The following ZNF74 variants were observed in gnomAD, a reference collection of about 807,000 sequenced individuals.
ZNF74 encodes the protein zinc finger protein 74.
ZNF74 carries 12 observed loss-of-function variants against 17.7 expected under a neutral mutation model. The observed-to-expected ratio is 0.68, with a 90% CI of 0.43 to 1.10. The LOEUF is 1.10. ZNF74 is among the 50% of genes least tolerant of loss of function. The probability of loss-of-function intolerance (pLI) is 0.00; values close to 1 mark genes in which losing one functional copy is unlikely to be tolerated. For missense variants in ZNF74, 811 were observed against 881.0 expected (o/e 0.92, Z 1.01); for synonymous variants, 358 against 362.1 (o/e 0.99, Z 0.13).
At chr22:20,394,915 C>G (rs2052275148) in intron 1 of ZNF74, 3 of 532,156 alleles carry the variant, frequency 5.6e-6, no homozygotes, top group Non-Finnish European at 1.0e-5. Context: ...CGCGCGCCAC[C>G]ACGCCCGGCT....
Position 20,407,002 on chromosome 22 carries a change from G to A in ZNF74, c.*34G>A. On this transcript the variant is annotated 3_prime_UTR_variant, in exon 5 of 5. Coordinates refer to ENST00000400451, the MANE Select transcript of ZNF74 (RefSeq NM_003426.4). ...GCTTTGGTGTCAGTAGCTGCTTTCT[G>A]AGCTACTCAACAAGGAAAGCACCCT... 1 of 1,572,958 alleles carries A rather than the reference G, an allele frequency of 6.4e-7. No individual in the cohort carries two copies. Among genetic ancestry groups the A allele is most frequent in the Non-Finnish European group, 8.6e-7 (1 of 1,159,446 alleles).
Position 20,395,350 on chromosome 22 carries a change from C to G in ZNF74, c.52C>G (p.Pro18Ala). ...TTCGCCAGCTCTTTCCTCTCAGGAT[C>G]CTGCTCTTTCCCTGAAAGAGAATCT... ...PEKTALSSQD[P>A]ALSLKENLED... Residue 18 changes from proline (P) to alanine (A), a missense_variant, in exon 2 of 5, where the codon CCT (proline) becomes GCT (alanine). This residue lies in a region of ZNF74 where 666 missense variants were observed against 702.3 expected (regional missense o/e 0.95). Transcript: ENST00000400451. 1 of 1,602,844 alleles carries G rather than the reference C, an allele frequency of 6.2e-7. No homozygotes were observed. The highest frequency in any genetic ancestry group is 8.5e-7 in the Non-Finnish European group (1 of 1,171,310).
At position 20,406,510 on chromosome 22, in the gene ZNF74, A is replaced by G; in HGVS notation, c.1477A>G (p.Ile493Val). 1 of 1,614,054 alleles carries G rather than the reference A, an allele frequency of 6.2e-7. No individual in the cohort carries two copies. The highest frequency in any genetic ancestry group is 8.5e-7 in the Non-Finnish European group (1 of 1,180,004). ...SHAYLIVHRRIHTGEKPFDCS... is the reference protein window; with the variant it reads ...SHAYLIVHRRVHTGEKPFDCS... ...CGCCTACCTCATCGTGCACCGGCGC[A>G]TCCACACAGGCGAGAAGCCCTTCGA... is the stretch of plus-strand genomic sequence containing the variant. Residue 493 changes from isoleucine to valine, a missense_variant, in exon 5 of 5, where the codon ATC becomes GTC. Physicochemically the swap from Ile to Val is conservative, Grantham distance 29. Around this residue, in one of 3 missense-constraint regions of ZNF74, gnomAD observed 666 missense variants for 702.3 expected, o/e 0.95. Coordinates refer to ENST00000400451, the MANE Select transcript of ZNF74 (RefSeq NM_003426.4).
At chr22:20,394,747 G>T in intron 1 of ZNF74, 85 bp downstream of exon 1, 2 of 1,302,890 alleles carry the variant, frequency 1.5e-6, no homozygotes, top group Non-Finnish European at 2.2e-6. Context: ...CAGTTTCCCA[G>T]AAGCATCCAG....
rs770521184 is a variant in ZNF74 at position 20,405,812 on chromosome 22, G to A, written c.779G>A (p.Ser260Asn). ...GAGTGCGGGAAGGCGTTCCGCCAGA[G>A]CTCCTCCCTCACGCTGCACCGGCGC... Reference protein sequence around the residue: ...CGECGKAFRQSSSLTLHRRWH... With the variant: ...CGECGKAFRQNSSLTLHRRWH... The change falls in exon 5 of 5, where the codon AGC becomes AAC. Residue 260 changes from serine (S) to asparagine (N), a missense_variant. Ser to Asn is a conservative substitution (Grantham distance 46, BLOSUM62 1). Transcript: ENST00000400451. The A allele has an allele frequency of 1.1e-5, 17 of 1,612,446 alleles. No individual in the cohort carries two copies. Among genetic ancestry groups the A allele is most frequent in the South Asian group, 3.3e-5 (3 of 91,056 alleles).
Position 20,405,671 on chromosome 22 carries a change from C to G in ZNF74, c.638C>G (p.Ala213Gly), listed in dbSNP as rs1308731607. 2.5e-6 allele frequency: 4 copies of G among 1,610,692 alleles called. No individual in the cohort carries two copies. Among genetic ancestry groups the G allele is most frequent in the Admixed American group, 3.4e-5 (2 of 59,586 alleles). The change falls in exon 5 of 5, where the codon GCC becomes GGC. Residue 213 changes from alanine (A) to glycine (G), a missense_variant. Ala to Gly is a moderately conservative substitution (Grantham distance 60). Coordinates refer to ENST00000400451, the MANE Select transcript of ZNF74 (RefSeq NM_003426.4). ...CAGGCCACTGAGGGCAGAACCAAGG[C>G]CCCCGCGAGACTGTGTGCAGGGGAA... The part of the protein sequence containing the change: ...NVQATEGRTK[A>G]PARLCAGENA...
Position 20,407,100 on chromosome 22 carries a change from G to A in ZNF74, c.*132G>A. 1 of 1,390,840 alleles carries A rather than the reference G, an allele frequency of 7.2e-7. No homozygotes were observed. Among genetic ancestry groups the A allele is most frequent in the Non-Finnish European group, 9.5e-7 (1 of 1,058,018 alleles). The allele number at this position is 1,390,840 out of a possible 1,614,324, so 86.2% of individuals were successfully genotyped here. On this transcript the variant is annotated 3_prime_UTR_variant, in exon 5 of 5. Coordinates refer to ENST00000400451, the MANE Select transcript of ZNF74 (RefSeq NM_003426.4). ...AGCCTTGCCTTATCACCCCCATCAGGTCTGCATGCCAGGGTGCCTCCTCTA... is the reference window on the plus strand; with the variant it reads ...AGCCTTGCCTTATCACCCCCATCAGATCTGCATGCCAGGGTGCCTCCTCTA...
intron 2 of ZNF74, among the ~76,000 whole-genome samples, chr22:20,397,863 G>A (rs2052312840): frequency 6.6e-6 from 1 of 152,148 alleles, no homozygotes; most frequent in South Asian, 2.1e-4. Context: ...TTCTTCTGAG[G>A]CTTCTCCTTG....
Position 20,394,507 on chromosome 22 carries a change from C to CG in ZNF74, c.-122_-121insG. 1 of 1,063,920 alleles carries CG rather than the reference C, an allele frequency of 9.4e-7. No homozygotes were observed. Among genetic ancestry groups the CG allele is most frequent in the South Asian group, 1.4e-5 (1 of 71,098 alleles). 65.9% of individuals were successfully genotyped at this position (1,063,920 alleles called of 1,614,324 possible). On this transcript the variant is annotated 5_prime_UTR_variant, in exon 1 of 5. Transcript: ENST00000400451. ...TCGTGCAGCTGTGAGCGCGTGGCCG[C>CG]CCCGCGGGGCTCCGCTGCAGGCCCC...
At chr22:20,402,120 TAGAAAGCTCGAG>T (rs1302741527) in intron 4 of ZNF74, among the ~76,000 whole-genome samples, 2 of 152,214 alleles carry the variant, frequency 1.3e-5, no homozygotes, top group Non-Finnish European at 2.9e-5. Context: ...GTTAGGTGTC[TAGAAAGCTCGAG>T]AAACACCTTT....
intron 1 of ZNF74, 153 bp downstream of exon 1, chr22:20,394,815 CA>C: frequency 1.4e-6 from 1 of 715,552 alleles, no homozygotes; most frequent in South Asian, 1.9e-5. Flanking sequence ...GGGAGTGGTG[CA>C]ATGGCTTGAT....
intron 4 of ZNF74, among the ~76,000 whole-genome samples, chr22:20,404,421 A>C (rs372699288): frequency 1.3e-5 from 2 of 152,030 alleles, no homozygotes; most frequent in South Asian, 4.2e-4. Flanking sequence ...CAACCTCCCT[A>C]GGCTCAGGTG....
intron 2 of ZNF74, chr22:20,399,731 G>T: frequency 8.5e-6 from 2 of 235,252 alleles, no homozygotes; most frequent in South Asian, 4.1e-5. Context: ...GGGATTATAG[G>T]CGTGAGCCAC....
At chr22:20,400,215 A>T (rs980863080) in intron 2 of ZNF74, 3 of 184,448 alleles carry the variant, frequency 1.6e-5, no homozygotes, top group Admixed American at 1.1e-4. Context: ...CTTTTGCGTT[A>T]CTGAGCTTTG....
rs749899472 is a variant in ZNF74, at chr22:20,405,578, G to C, written c.545G>C (p.Arg182Thr). 6.2e-7 allele frequency: 1 copy of C among 1,612,162 alleles called. No individual in the cohort carries two copies. The highest frequency in any genetic ancestry group is 1.1e-5 in the South Asian group (1 of 90,900). Reference sequence around the variant, plus strand: ...GTCCCTGTAGAGGAATTCCCCCTCAGGTGTCCCCTCTTCGCCCAGCAACGC... The same window carrying C: ...GTCCCTGTAGAGGAATTCCCCCTCACGTGTCCCCTCTTCGCCCAGCAACGC... ...WDVPVEEFPL[R>T]CPLFAQQRVP... The change falls in exon 5 of 5, where the codon AGG becomes ACG. Residue 182 changes from arginine (R) to threonine (T), a missense_variant. Arg to Thr is a moderately conservative substitution (Grantham distance 71, BLOSUM62 -1). Around this residue, in one of 3 missense-constraint regions of ZNF74, gnomAD observed 666 missense variants for 702.3 expected, o/e 0.95. Coordinates refer to ENST00000400451, the MANE Select transcript of ZNF74 (RefSeq NM_003426.4).
In ZNF74 at chr22:20,394,330, C is replaced by A; in HGVS notation, c.-299C>A. ...CTTAGGCCTGGCCCTGGTCTCCGAG[C>A]GCGGGTTCGCCGGGAGGAGCGTGTG... On this transcript the variant is annotated 5_prime_UTR_variant, in exon 1 of 5. Transcript: ENST00000400451. The A allele has an allele frequency of 1.4e-6, 1 of 696,060 alleles. No homozygotes were observed. The highest frequency in any genetic ancestry group is 2.1e-5 in the Admixed American group (1 of 48,018). 43.1% of individuals were successfully genotyped at this position (696,060 alleles called of 1,614,324 possible).
Position 20,406,689 on chromosome 22 carries a change from G to T in ZNF74, c.1656G>T (p.Gly552=). 6.2e-7 allele frequency: 1 copy of T among 1,614,188 alleles called. No individual in the cohort carries two copies. The highest frequency in any genetic ancestry group is 8.5e-7 in the Non-Finnish European group (1 of 1,180,034). The change falls in exon 5 of 5, where the codon GGG becomes GGT. Residue 552 remains glycine (G), a synonymous_variant. Coordinates refer to ENST00000400451, the MANE Select transcript of ZNF74 (RefSeq NM_003426.4). The part of the protein sequence containing the change: ...CLIKHQKIHS[G]EKSFKCEKCG... ...TTAAACATCAGAAAATCCACTCCGGGGAGAAGTCGTTTAAGTGTGAGAAAT... is the reference window on the plus strand; with the variant it reads ...TTAAACATCAGAAAATCCACTCCGGTGAGAAGTCGTTTAAGTGTGAGAAAT...
intron 2 of ZNF74, among the ~76,000 whole-genome samples, chr22:20,397,377 G>T (rs903689217): frequency 6.6e-6 from 1 of 152,126 alleles, no homozygotes; most frequent in Non-Finnish European, 1.5e-5. Flanking sequence ...GTTTTGGGGG[G>T]TAAGGTTTTA....
chr22:20,403,082 T>A (rs1419704865), intron 4 of ZNF74, among the ~76,000 whole-genome samples: 1 of 152,202 alleles, frequency 6.6e-6, no homozygotes, highest in African/African-American at 2.4e-5. Context: ...TGATGTTTAC[T>A]GATTGCACAG....
Sources: allele counts gnomAD v4.1 joint callset (sites outside exome capture counted in the v4.1 genomes callset), GRCh38; gene constraint gnomAD v4.1.1; regional missense constraint gnomAD v4.1.1; transcripts MANE v1.5; gene names NCBI Gene and HGNC (gene_info 2026-07-23, HGNC 2026-07-21).